The following SPIDR variants were observed in gnomAD, a reference collection of about 807,000 sequenced individuals.
SPIDR encodes DNA repair-scaffolding protein.
In SPIDR, 93 loss-of-function variants were observed where a neutral mutation model predicts 104.6. That is an observed-to-expected ratio of 0.89 (90% confidence interval 0.75 to 1.06). The LOEUF (loss-of-function observed/expected upper bound fraction) is 1.06, where lower values mean the gene tolerates loss of function less well. SPIDR is among the 50% of genes least tolerant of loss of function. The probability of loss-of-function intolerance (pLI) is 0.00; values close to 1 mark genes in which losing one functional copy is unlikely to be tolerated. For missense variants in SPIDR, 1,154 were observed against 1,111.2 expected, an observed-to-expected ratio of 1.04 and a Z score of -0.55; for synonymous variants, 431 against 416.9, an observed-to-expected ratio of 1.03 and a Z score of -0.41.
chr8:47,303,967 G>A (rs1312862790), intron 5 of SPIDR, among the ~76,000 whole-genome samples: 1 of 152,096 alleles, frequency 6.6e-6, no homozygotes, highest in African/African-American at 2.4e-5. Context: ...GTGAGCCACT[G>A]CACCTGGCCT....
chr8:47,687,999 G>A (rs1253654391), intron 11 of SPIDR, among the ~76,000 whole-genome samples: 7 of 129,278 alleles, frequency 5.4e-5, no homozygotes, highest in Non-Finnish European at 1.2e-4. Flanking sequence ...ATTGAGACCT[G>A]GCTGTCAAAA....
chr8:47,398,225 G>A (rs2061457483), intron 6 of SPIDR, among the ~76,000 whole-genome samples: 2 of 152,232 alleles, frequency 1.3e-5, no homozygotes, highest in South Asian at 2.1e-4. Flanking sequence ...GTTGGTGAAG[G>A]TGATGCCATG....
intron 5 of SPIDR, among the ~76,000 whole-genome samples, chr8:47,339,346 A>C (rs1478207070): frequency 6.6e-6 from 1 of 152,216 alleles, no homozygotes; most frequent in Non-Finnish European, 1.5e-5. Context: ...CTAACCTAAC[A>C]TGCTCCTATT....
chr8:47,402,753 C>T (rs551846790), intron 6 of SPIDR, among the ~76,000 whole-genome samples: 1 of 152,226 alleles, frequency 6.6e-6, no homozygotes, highest in African/African-American at 2.4e-5. Context: ...GACGGATTCA[C>T]AGCCGAATTC....
At chr8:47,611,525 C>T (rs1421875265) in intron 10 of SPIDR, among the ~76,000 whole-genome samples, 6 of 151,894 alleles carry the variant, frequency 4.0e-5, no homozygotes, top group Non-Finnish European at 8.8e-5. Context: ...AGTGAAACCC[C>T]GTCTCTACTA....
chr8:47,439,998 A>G (rs1262445866), intron 7 of SPIDR, among the ~76,000 whole-genome samples: 1 of 152,250 alleles, frequency 6.6e-6, no homozygotes, highest in Admixed American at 6.5e-5. Context: ...AAAGGATTTC[A>G]GACTTGGAGT....
At chr8:47,619,740 G>C (rs1306165213) in intron 10 of SPIDR, among the ~76,000 whole-genome samples, 1 of 151,868 alleles carries the variant, frequency 6.6e-6, no homozygotes, top group African/African-American at 2.4e-5. Flanking sequence ...TGAGTAGCTG[G>C]AACCACAAGT....
intron 8 of SPIDR, chr8:47,511,082 G>T: frequency 1.7e-6 from 2 of 1,209,980 alleles, no homozygotes; most frequent in Non-Finnish European, 1.2e-6. Flanking sequence ...GCTTCCTTCA[G>T]GGTCCAGCTC....
At chr8:47,313,588 A>G (rs911616163) in intron 5 of SPIDR, among the ~76,000 whole-genome samples, 22 of 152,234 alleles carry the variant, frequency 1.4e-4, no homozygotes, top group African/African-American at 5.3e-4. Context: ...GAACCAAAAA[A>G]GAGCCCGCAT....
At chr8:47,594,810 A>G (rs777362684) in intron 8 of SPIDR, among the ~76,000 whole-genome samples, 1 of 152,108 alleles carries the variant, frequency 6.6e-6, no homozygotes, top group Non-Finnish European at 1.5e-5. Flanking sequence ...TCTGGCCAAC[A>G]TGGCAAAACC....
chr8:47,311,327 G>A (rs1291673978), intron 5 of SPIDR, among the ~76,000 whole-genome samples: 4 of 152,144 alleles, frequency 2.6e-5, no homozygotes, highest in African/African-American at 9.7e-5. Context: ...ATATCAAAAG[G>A]TCTAACACTT....
At chr8:47,508,819 C>A (rs778366384) in intron 8 of SPIDR, among the ~76,000 whole-genome samples, 6 of 152,120 alleles carry the variant, frequency 3.9e-5, no homozygotes, top group Non-Finnish European at 7.3e-5. Context: ...GGAGAATGTC[C>A]AATAAGTGCT....
Position 47,595,812 on chromosome 8 carries a change from C to A in SPIDR, c.1099C>A (p.Gln367Lys). The change falls in exon 9 of 20, where the codon CAA (glutamine) becomes AAA (lysine). Residue 367 changes from glutamine to lysine, a missense_variant and splice_region_variant. Physicochemically the swap from Gln to Lys is moderately conservative, Grantham distance 53 (BLOSUM62 1). Coordinates refer to ENST00000297423, the MANE Select transcript of SPIDR (RefSeq NM_001080394.4). The stretch of plus-strand genomic sequence containing the variant: ...GTTGCATGTCTTTCTCTTTTCCAGG[C>A]AAAAACTGATTATTCCAAGTGGAAG... ...QDTVRIFPPW[Q>K]KLIIPSGSCP... 2 of 1,613,840 alleles carry A rather than the reference C, an allele frequency of 1.2e-6. No homozygotes were observed. Among genetic ancestry groups the A allele is most frequent in the African/African-American group, 1.3e-5 (1 of 75,034 alleles).
chr8:47,550,842 G>C (rs985262606), intron 8 of SPIDR, among the ~76,000 whole-genome samples: 3 of 150,622 alleles, frequency 2.0e-5, no homozygotes, highest in Non-Finnish European at 4.4e-5. Context: ...TCCCTGTCTT[G>C]TGCCGGTTTT....
chr8:47,432,038 T>A (rs1554689676), intron 7 of SPIDR, among the ~76,000 whole-genome samples: 1 of 152,206 alleles, frequency 6.6e-6, no homozygotes, highest in Non-Finnish European at 1.5e-5. Flanking sequence ...TGGCATCTTA[T>A]AAGATTTACT....
At chr8:47,394,987 T>C (rs529954756) in intron 5 of SPIDR, among the ~76,000 whole-genome samples, 36 of 152,296 alleles carry the variant, frequency 2.4e-4, no homozygotes, top group Non-Finnish European at 4.3e-4. Flanking sequence ...GTGTGCCTGA[T>C]AGAAGGTGAC....
intron 5 of SPIDR, among the ~76,000 whole-genome samples, chr8:47,378,101 G>A (rs1199245992): frequency 6.6e-6 from 1 of 152,202 alleles, no homozygotes; most frequent in Non-Finnish European, 1.5e-5. Context: ...CTTCCCAAGA[G>A]TGGGGTTTCC....
intron 10 of SPIDR, among the ~76,000 whole-genome samples, chr8:47,664,020 C>T (rs1024402026): frequency 3.3e-5 from 5 of 152,192 alleles, no homozygotes; most frequent in African/African-American, 4.8e-5. Flanking sequence ...TAAGTGAGAA[C>T]GGCAAGTGTG....
intron 13 of SPIDR, 32 bp downstream of exon 13, chr8:47,701,896 G>A (rs754829601): frequency 1.9e-6 from 3 of 1,613,994 alleles, no homozygotes; most frequent in South Asian, 1.1e-5. Context: ...GGTTTTTTAG[G>A]TATTGGCCAC....
Sources: gnomAD v4.1 joint callset for allele counts (sites outside exome capture counted in the v4.1 genomes callset) on GRCh38, gnomAD v4.1.1 for gene constraint, MANE v1.5 for transcripts, NCBI Gene and HGNC (gene_info 2026-07-23, HGNC 2026-07-21) for gene names.